The following IGF2BP2 variants were observed in gnomAD, a reference collection of about 807,000 sequenced individuals.
The protein encoded by IGF2BP2 is insulin like growth factor 2 mRNA binding protein 2, also known as insulin-like growth factor 2 mRNA-binding protein 2.
In IGF2BP2, 17 loss-of-function variants were observed where a neutral mutation model predicts 75.8. The observed-to-expected ratio is 0.22, with a 90% CI of 0.15 to 0.34. The LOEUF (loss-of-function observed/expected upper bound fraction) is 0.34. IGF2BP2 is among the 10% of genes least tolerant of loss of function. The probability of loss-of-function intolerance (pLI) is 1.00; values close to 1 mark genes in which losing one functional copy is unlikely to be tolerated. For synonymous variants in IGF2BP2, 288 were observed against 295.6 expected (o/e 0.97, Z 0.26); for missense variants, 516 against 772.4 (o/e 0.67, Z 3.93).
intron 2 of IGF2BP2, among the ~76,000 whole-genome samples, chr3:185,768,609 C>G (rs1249117664): frequency 6.6e-6 from 1 of 152,134 alleles, no homozygotes; most frequent in African/African-American, 2.4e-5. Context: ...CTGTGGAGGA[C>G]TGAAGGAAGC....
chr3:185,671,958 A>G (rs759063311), intron 10 of IGF2BP2, among the ~76,000 whole-genome samples: 56 of 152,266 alleles, frequency 3.7e-4, no homozygotes, highest in Non-Finnish European at 7.3e-4. Flanking sequence ...AATGAAAGCA[A>G]TAAGTAAAAC....
Position 185,644,602 on chromosome 3 carries a change from G to GGT in IGF2BP2, c.*928_*929insAC, listed in dbSNP as rs1713197952. On this transcript the variant is annotated 3_prime_UTR_variant, in exon 16 of 16. Transcript: ENST00000382199. ...CACTGCTTTGCCTGGGGGGGGGGGG[G>GGT]TGCGTAGATACGGGATTGAGATGGA... 2 of 88,972 alleles carry GGT rather than the reference G, an allele frequency of 2.2e-5. No individual in the cohort carries two copies. Among genetic ancestry groups the GGT allele is most frequent in the Non-Finnish European group, 4.8e-5 (2 of 41,306 alleles). 5.5% of individuals were successfully genotyped at this position (88,972 alleles called of 1,614,324 possible). A position where few individuals can be genotyped will look rare whatever the true frequency, so the allele number is the denominator to read the frequency against.
intron 7 of IGF2BP2, among the ~76,000 whole-genome samples, chr3:185,677,403 G>C (rs1204255299): frequency 6.6e-6 from 1 of 151,868 alleles, no homozygotes; most frequent in Non-Finnish European, 1.5e-5. Context: ...AGACACCAGA[G>C]GGATCAAGAG....
rs1713713114 is a variant in IGF2BP2 at position 185,647,145 on chromosome 3, A to G, written c.1594-7T>C. 1 of 1,608,890 alleles carries G rather than the reference A, an allele frequency of 6.2e-7. No individual in the cohort carries two copies. Among genetic ancestry groups the G allele is most frequent in the Non-Finnish European group, 8.5e-7 (1 of 1,175,274 alleles). ...AGTTCTGCAGTTCGTTCACCTGTGA[A>G]GGGAGAAACGGCAACGGGTTGGATA... On this transcript the variant is annotated splice_region_variant and splice_polypyrimidine_tract_variant and intron_variant, in intron 14 of 15. Transcript: ENST00000382199. This position sits in a 1 kb window ranked among gnomAD's most constrained non-coding sequence, Gnocchi z 4.9.
intron 2 of IGF2BP2, among the ~76,000 whole-genome samples, chr3:185,811,830 GTC>G (rs58208457): frequency 0.081 from 9,702 of 120,352 alleles, 484 homozygotes; most frequent in East Asian, 0.16. Context: ...AGAGTAGGGT[GTC>G]TCTCTCTCTC....
At chr3:185,803,591 G>A (rs1381512529) in intron 2 of IGF2BP2, among the ~76,000 whole-genome samples, 3 of 152,156 alleles carry the variant, frequency 2.0e-5, no homozygotes. Context: ...TCACATGAAA[G>A]TAATTAAGAC....
chr3:185,815,149 T>C (rs1175742748), intron 2 of IGF2BP2, among the ~76,000 whole-genome samples: 1 of 152,112 alleles, frequency 6.6e-6, no homozygotes, highest in East Asian at 1.9e-4. Flanking sequence ...CAATGATTTT[T>C]AAAAAAACCT....
intron 2 of IGF2BP2, among the ~76,000 whole-genome samples, chr3:185,810,021 A>G (rs936537311): frequency 6.6e-6 from 1 of 152,210 alleles, no homozygotes; most frequent in African/African-American, 2.4e-5. Context: ...GCCAAATATT[A>G]ATAAAATCCT....
intron 14 of IGF2BP2, among the ~76,000 whole-genome samples, chr3:185,648,022 C>CGCAGT (rs1331629275): frequency 1.3e-5 from 2 of 152,254 alleles, no homozygotes; most frequent in Non-Finnish European, 2.9e-5. Flanking sequence ...CCGCCTAAAG[C>CGCAGT]GCAGTGTGTG....
chr3:185,697,957 C>G (rs1215379479), intron 3 of IGF2BP2, among the ~76,000 whole-genome samples: 1 of 152,112 alleles, frequency 6.6e-6, no homozygotes, highest in East Asian at 1.9e-4. Flanking sequence ...GCACTCCAGC[C>G]TGGGTGACAA....
At chr3:185,653,137 TCA>T (rs925001325) in intron 12 of IGF2BP2, among the ~76,000 whole-genome samples, 3 of 151,842 alleles carry the variant, frequency 2.0e-5, no homozygotes, top group African/African-American at 7.3e-5. Context: ...CTTCCTTCTC[TCA>T]GTTTCTGTGA....
At position 185,674,375 on chromosome 3, in the gene IGF2BP2, A is replaced by C. The variant is rs531905812; in HGVS notation, c.1071+921T>G. ...TTTTGTATACATCCAAAAAAATCTA[A>C]TTAAAAAGTGAAAAAAATTTACTCC... is the stretch of plus-strand genomic sequence containing the variant. On this transcript the variant is annotated intron_variant, in intron 9 of 15. Coordinates refer to ENST00000382199, the MANE Select transcript of IGF2BP2 (RefSeq NM_006548.6). Among the ~76,000 whole-genome samples, 603 of 152,310 alleles carry C rather than the reference A, an allele frequency of 4.0e-3. 2 individuals are homozygous for C. The highest frequency in any genetic ancestry group is 5.6e-3 in the Non-Finnish European group (384 of 68,026).
chr3:185,645,282 C>G lies in IGF2BP2; in HGVS notation c.*249G>C. 2 of 538,066 alleles carry G rather than the reference C, an allele frequency of 3.7e-6. No homozygotes were observed. The highest frequency in any genetic ancestry group is 2.6e-5 in the South Asian group (1 of 38,482). 33.3% of individuals were successfully genotyped at this position (538,066 alleles called of 1,614,324 possible). On this transcript the variant is annotated 3_prime_UTR_variant, in exon 16 of 16. Coordinates refer to ENST00000382199, the MANE Select transcript of IGF2BP2 (RefSeq NM_006548.6). The surrounding 1 kb of genome is among the most constrained non-coding windows in gnomAD (Gnocchi z 4.9). The stretch of plus-strand genomic sequence containing the variant: ...TGGATGGTGAAGTGGATGGCTGAAG[C>G]CTGCAGAAGCCCTGGGGGGCGGGAG...
At chr3:185,730,557 C>G (rs916580823) in intron 2 of IGF2BP2, among the ~76,000 whole-genome samples, 1 of 151,586 alleles carries the variant, frequency 6.6e-6, no homozygotes, top group African/African-American at 2.4e-5. Flanking sequence ...ACCTCAGCCT[C>G]CTGAGTAGCT....
In IGF2BP2 at chr3:185,644,601, G is replaced by C. The variant is rs76423716; in HGVS notation, c.*930C>G. On this transcript the variant is annotated 3_prime_UTR_variant, in exon 16 of 16. Coordinates refer to ENST00000382199, the MANE Select transcript of IGF2BP2 (RefSeq NM_006548.6). ...GCACTGCTTTGCCTGGGGGGGGGGG[G>C]GTGCGTAGATACGGGATTGAGATGG... 1.4e-5 allele frequency: 2 copies of C among 138,736 alleles called. No individual in the cohort carries two copies. The highest frequency in any genetic ancestry group is 2.4e-4 in the South Asian group (1 of 4,088). 8.6% of individuals were successfully genotyped at this position (138,736 alleles called of 1,614,324 possible).
At chr3:185,708,118 G>C (rs1270626929) in intron 2 of IGF2BP2, among the ~76,000 whole-genome samples, 1 of 152,166 alleles carries the variant, frequency 6.6e-6, no homozygotes, top group Admixed American at 6.6e-5. Flanking sequence ...CCATTTTTCA[G>C]AGAAATACAC....
At chr3:185,727,858 T>C (rs1393767000) in intron 2 of IGF2BP2, among the ~76,000 whole-genome samples, 1 of 152,074 alleles carries the variant, frequency 6.6e-6, no homozygotes, top group Non-Finnish European at 1.5e-5. Flanking sequence ...GGATAAATCT[T>C]TTACCCAAGG....
chr3:185,809,428 C>T lies in IGF2BP2; in HGVS notation c.239+13725G>A, dbSNP rs1270534828. 2.0e-5 allele frequency among the ~76,000 whole-genome samples: 3 copies of T among 152,118 alleles called. No individual in the cohort carries two copies. The South Asian group carries it at 6.2e-4, about 32-fold the overall frequency. ...TTAAAGAACCTTCATACCTAAAATG[C>T]CCATGAAGAAATGTTATTCCACTAA... On this transcript the variant is annotated intron_variant, in intron 2 of 15. Coordinates refer to ENST00000382199, the MANE Select transcript of IGF2BP2 (RefSeq NM_006548.6).
chr3:185,729,109 T>C (rs1259824077), intron 2 of IGF2BP2, among the ~76,000 whole-genome samples: 1 of 152,166 alleles, frequency 6.6e-6, no homozygotes, highest in Non-Finnish European at 1.5e-5. Context: ...TACTGCTTTT[T>C]TTTTTTCCAC....
Sources: allele counts gnomAD v4.1 joint callset (sites outside exome capture counted in the v4.1 genomes callset), GRCh38; gene constraint gnomAD v4.1.1; non-coding constraint Gnocchi (gnomAD v3.1); transcripts MANE v1.5; gene names NCBI Gene and HGNC (gene_info 2026-07-23, HGNC 2026-07-21).